The following KLHL1 variants were observed in gnomAD, a reference collection of about 807,000 sequenced individuals.
The protein encoded by KLHL1 is kelch-like protein 1.
KLHL1 carries 47 observed loss-of-function variants against 77.7 expected under a neutral mutation model. The observed-to-expected ratio is 0.60, with a 90% CI of 0.48 to 0.77. KLHL1 has a LOEUF of 0.77. Ranked by LOEUF, KLHL1 falls within the 30% of genes least tolerant of loss-of-function variation. The probability of loss-of-function intolerance (pLI) is 0.00; values close to 1 mark genes in which losing one functional copy is unlikely to be tolerated. For synonymous variants in KLHL1, 360 were observed against 325.2 expected (o/e 1.11, Z -1.15); for missense variants, 925 against 910.8 (o/e 1.02, Z -0.20).
chr13:69,787,866 G>C (rs1242486887), intron 7 of KLHL1, among the ~76,000 whole-genome samples: 2 of 152,072 alleles, frequency 1.3e-5, no homozygotes, highest in African/African-American at 2.4e-5. Context: ...AGACATTTCT[G>C]AAAAGAAGAC....
chr13:70,055,301 A>C (rs2137397328), intron 1 of KLHL1, among the ~76,000 whole-genome samples: 1 of 152,242 alleles, frequency 6.6e-6, no homozygotes, highest in South Asian at 2.1e-4. Flanking sequence ...AGGAAAAAAT[A>C]TTTTATCCTA....
Position 69,924,941 on chromosome 13 carries a change from A to G in KLHL1, c.1014+15099T>C, listed in dbSNP as rs563144005. Among the ~76,000 whole-genome samples the G allele has an allele frequency of 7.9e-5, 12 of 152,248 alleles. No individual in the cohort carries two copies. In the South Asian group the frequency reaches 2.5e-3, roughly 32 times the overall value. On this transcript the variant is annotated intron_variant, in intron 4 of 10. Transcript: ENST00000377844. ...CCTGTGCCAGCAAATAGAGCTGCTC[A>G]CCCTCCTGCAGTCAGCATGTCTGGC...
chr13:69,948,235 T>C (rs2137250596), intron 3 of KLHL1, among the ~76,000 whole-genome samples: 1 of 152,210 alleles, frequency 6.6e-6, no homozygotes, highest in Non-Finnish European at 1.5e-5. Flanking sequence ...ATAGTTGCCA[T>C]AGTTTCAGGT....
At chr13:69,903,161 C>CT (rs1335835060) in intron 4 of KLHL1, among the ~76,000 whole-genome samples, 1 of 152,110 alleles carries the variant, frequency 6.6e-6, no homozygotes, top group Non-Finnish European at 1.5e-5. Context: ...GTCATGTACT[C>CT]TAAGTTCTCA....
intron 1 of KLHL1, among the ~76,000 whole-genome samples, chr13:69,997,540 T>A (rs1424737824): frequency 1.3e-5 from 2 of 151,260 alleles, no homozygotes; most frequent in African/African-American, 4.8e-5. Context: ...ATTCCACTTA[T>A]AAGTAAAATT....
At chr13:70,096,610 C>A (rs1429245872) in intron 1 of KLHL1, among the ~76,000 whole-genome samples, 2 of 147,190 alleles carry the variant, frequency 1.4e-5, no homozygotes, top group Non-Finnish European at 3.0e-5. Flanking sequence ...CTATCGAGTT[C>A]TTTGAGCTTG....
chr13:69,731,721 T>C (rs1398654588), intron 8 of KLHL1, among the ~76,000 whole-genome samples: 1 of 152,212 alleles, frequency 6.6e-6, no homozygotes, highest in African/African-American at 2.4e-5. Flanking sequence ...ACCTTTTCTT[T>C]CTTATCTAAT....
chr13:70,025,253 A>G (rs978025), intron 1 of KLHL1, among the ~76,000 whole-genome samples: 126,043 of 151,988 alleles, frequency 0.83, 53,107 homozygotes, highest in East Asian at 0.92. Flanking sequence ...TATAATCTAC[A>G]AGTATAATGT....
intron 7 of KLHL1, among the ~76,000 whole-genome samples, chr13:69,741,513 G>C (rs562495588): frequency 6.6e-6 from 1 of 152,164 alleles, no homozygotes; most frequent in African/African-American, 2.4e-5. Flanking sequence ...ATTACTCATA[G>C]CAACAGCAAT....
At chr13:69,995,846 T>C (rs1417747288) in intron 1 of KLHL1, among the ~76,000 whole-genome samples, 2 of 152,106 alleles carry the variant, frequency 1.3e-5, no homozygotes, top group East Asian at 3.9e-4. Flanking sequence ...GGAAAAGATA[T>C]ATCAGAAACT....
rs868675772 is a variant in KLHL1, at chr13:70,019,995, T to G, written c.498-44193A>C. ...TTTGAAAACAGAGTTTGTTCCTTTT[T>G]GCCCTTCTGCCTTCTGTCACGTGAG... is the stretch of plus-strand genomic sequence containing the variant. On this transcript the variant is annotated intron_variant, in intron 1 of 10. Transcript: ENST00000377844. Among the ~76,000 whole-genome samples the G allele has an allele frequency of 1.1e-4, 16 of 152,284 alleles. No individual in the cohort carries two copies. The Middle Eastern group carries it at 0.01, about 97-fold the overall frequency.
intron 4 of KLHL1, among the ~76,000 whole-genome samples, chr13:69,882,841 C>T (rs1006225994): frequency 3.9e-5 from 6 of 152,084 alleles, no homozygotes; most frequent in African/African-American, 1.4e-4. Context: ...TTTTTAAAAG[C>T]TTGACTATAT....
chr13:69,795,692 C>G (rs1202158714), intron 7 of KLHL1, among the ~76,000 whole-genome samples: 1 of 152,050 alleles, frequency 6.6e-6, no homozygotes, highest in Non-Finnish European at 1.5e-5. Context: ...AAAACCAAGG[C>G]TCAGTTTAAA....
chr13:69,882,313 G>A lies in KLHL1; in HGVS notation c.1197C>T (p.Ala399=). ...SRCNDLSMLL[A]FIRLPLLPPQ... Reference sequence around the variant, plus strand: ...GTGGAAGCAGTGGCAGTCTTATAAAGGCAAGAAGCATGCTCAGGTCATTGC... The same window carrying A: ...GTGGAAGCAGTGGCAGTCTTATAAAAGCAAGAAGCATGCTCAGGTCATTGC... The change falls in exon 5 of 11, where the codon GCC becomes GCT. Residue 399 remains alanine (A), a synonymous_variant. Transcript: ENST00000377844. 1 of 1,613,726 alleles carries A rather than the reference G, an allele frequency of 6.2e-7. No individual in the cohort carries two copies. The highest frequency in any genetic ancestry group is 8.5e-7 in the Non-Finnish European group (1 of 1,179,688).
intron 6 of KLHL1, among the ~76,000 whole-genome samples, chr13:69,826,430 C>CA (rs561689887): frequency 4.5e-4 from 68 of 152,046 alleles, no homozygotes; most frequent in Non-Finnish European, 1.3e-4. Flanking sequence ...ACTAAAAACA[C>CA]AAAAAAACCC....
At chr13:70,027,616 T>A (rs2137360987) in intron 1 of KLHL1, among the ~76,000 whole-genome samples, 1 of 148,868 alleles carries the variant, frequency 6.7e-6, no homozygotes, top group South Asian at 2.2e-4. Flanking sequence ...TAATGTCACC[T>A]AACAGAGGGC....
At chr13:69,861,683 C>A (rs1224958768) in intron 5 of KLHL1, among the ~76,000 whole-genome samples, 4 of 150,970 alleles carry the variant, frequency 2.6e-5, no homozygotes, top group Admixed American at 6.6e-5. Flanking sequence ...GGCGCAGTGG[C>A]TCACGCCTGT....
chr13:70,043,232 T>C (rs1205790727), intron 1 of KLHL1, among the ~76,000 whole-genome samples: 4 of 149,460 alleles, frequency 2.7e-5, no homozygotes. Context: ...CAAACAAGTT[T>C]AAATACTAAA....
chr13:69,928,849 C>T (rs1882901040), intron 4 of KLHL1, among the ~76,000 whole-genome samples: 1 of 151,934 alleles, frequency 6.6e-6, no homozygotes, highest in Non-Finnish European at 1.5e-5. Flanking sequence ...AGTTGCACAA[C>T]TCTGAAAATA....
Sources: gnomAD v4.1 joint callset for allele counts (sites outside exome capture counted in the v4.1 genomes callset) on GRCh38, gnomAD v4.1.1 for gene constraint, MANE v1.5 for transcripts, NCBI Gene and HGNC (gene_info 2026-07-23, HGNC 2026-07-21) for gene names.